The following NEMP1 variants were observed in gnomAD, a reference collection of about 807,000 sequenced individuals.
NEMP1 encodes the protein transmembrane protein 194.
NEMP1 carries 29 observed loss-of-function variants against 53.7 expected under a neutral mutation model. The observed-to-expected ratio is 0.54, with a 90% CI of 0.40 to 0.74. NEMP1 has a LOEUF of 0.74. NEMP1 is among the 30% of genes least tolerant of loss of function. The probability of loss-of-function intolerance (pLI) is 0.00; values close to 1 mark genes in which losing one functional copy is unlikely to be tolerated. For synonymous variants in NEMP1, 193 were observed against 192.9 expected (o/e 1.00, Z 0.00); for missense variants, 477 against 528.6 (o/e 0.90, Z 0.96).
rs1306016312 is a variant in NEMP1 at position 57,070,743 on chromosome 12, T to G, written c.403A>C (p.Ser135Arg). The change falls in exon 3 of 9, where the codon AGC (serine) becomes CGC (arginine). Residue 135 changes from serine (S) to arginine (R), a missense_variant. Coordinates refer to ENST00000300128, the MANE Select transcript of NEMP1 (RefSeq NM_001130963.2). ...NDTYVNVGLY[S>R]TKTCLKVEII... ...TCAACTTTGAGGCAGGTTTTTGTGCTGTATAGACCCACGTTAACATAGGTG... is the reference window on the plus strand; with the variant it reads ...TCAACTTTGAGGCAGGTTTTTGTGCGGTATAGACCCACGTTAACATAGGTG... The G allele has an allele frequency of 6.3e-7, 1 of 1,586,912 alleles. No individual in the cohort carries two copies. Among genetic ancestry groups the G allele is most frequent in the Admixed American group, 1.8e-5 (1 of 56,468 alleles).
At chr12:57,063,415 G>A (rs1435631578) in intron 6 of NEMP1, 71 bp from the exon 7 acceptor site, 5 of 1,301,078 alleles carry the variant, frequency 3.8e-6, no homozygotes, top group Admixed American at 1.9e-5. Flanking sequence ...GTGGGAAGCA[G>A]TAGTTAATTT....
chr12:57,074,209 T>A (rs2032494486), intron 1 of NEMP1, among the ~76,000 whole-genome samples: 1 of 150,494 alleles, frequency 6.6e-6, no homozygotes, highest in Admixed American at 6.6e-5. Flanking sequence ...CCTAAAGCAA[T>A]CCTCCCACAT....
intron 7 of NEMP1, 146 bp downstream of exon 7, chr12:57,062,973 G>C (rs1487969510): frequency 5.6e-6 from 3 of 534,424 alleles, no homozygotes; most frequent in Non-Finnish European, 9.9e-6. Flanking sequence ...AAAAAAAATA[G>C]ACTCGGGAAG....
chr12:57,071,680 G>A (rs1284315828), intron 2 of NEMP1, among the ~76,000 whole-genome samples: 1 of 152,056 alleles, frequency 6.6e-6, no homozygotes, highest in African/African-American at 2.4e-5. Flanking sequence ...CGCCCGGCTT[G>A]TCAGACATTT....
chr12:57,071,729 G>A (rs1364502765), intron 2 of NEMP1, among the ~76,000 whole-genome samples: 1 of 151,836 alleles, frequency 6.6e-6, no homozygotes, highest in Non-Finnish European at 1.5e-5. Context: ...CAAGTTGGCT[G>A]GGCATGGCCC....
intron 7 of NEMP1, among the ~76,000 whole-genome samples, chr12:57,061,927 A>T (rs1214791256): frequency 6.6e-6 from 1 of 152,004 alleles, no homozygotes; most frequent in Non-Finnish European, 1.5e-5. Flanking sequence ...TAAACCCAGG[A>T]GGCAGAGGTT....
chr12:57,066,299 A>C (rs1336734052), intron 4 of NEMP1, among the ~76,000 whole-genome samples: 1 of 152,174 alleles, frequency 6.6e-6, no homozygotes, highest in Non-Finnish European at 1.5e-5. Flanking sequence ...ATCTGGTTTA[A>C]TCTTCTCAAC....
At chr12:57,086,796 T>TAG (rs962798799) in intron 1 of NEMP1, among the ~76,000 whole-genome samples, 1 of 151,854 alleles carries the variant, frequency 6.6e-6, no homozygotes, top group Non-Finnish European at 1.5e-5. Flanking sequence ...TACACAAACC[T>TAG]AGAGAGAGAG....
upstream of NEMP1, among the ~76,000 whole-genome samples, chr12:57,081,699 A>T (rs1265904237): frequency 6.7e-6 from 1 of 149,146 alleles, no homozygotes; most frequent in Non-Finnish European, 1.5e-5. Flanking sequence ...TGAGGTCAGG[A>T]GATGGAGACC....
intron 3 of NEMP1, among the ~76,000 whole-genome samples, chr12:57,069,819 G>A (rs996198680): frequency 1.3e-5 from 2 of 149,968 alleles, no homozygotes; most frequent in African/African-American, 4.9e-5. Flanking sequence ...CTCAGGACCA[G>A]GGGGCCCTAG....
At chr12:57,071,308 T>C (rs374626360) in intron 2 of NEMP1, among the ~76,000 whole-genome samples, 6 of 152,200 alleles carry the variant, frequency 3.9e-5, no homozygotes, top group East Asian at 3.8e-4. Context: ...GTTCAATCCA[T>C]TGTCACAAGC....
At chr12:57,080,614 G>T (rs575861666), upstream of NEMP1, among the ~76,000 whole-genome samples, 1 of 151,388 alleles carries the variant, frequency 6.6e-6, no homozygotes, top group African/African-American at 2.4e-5. Context: ...AATGGGCTGG[G>T]CATGGTGGCT....
intron 1 of NEMP1, among the ~76,000 whole-genome samples, chr12:57,087,482 T>A (rs1427119000): frequency 6.7e-6 from 1 of 149,274 alleles, no homozygotes; most frequent in Non-Finnish European, 1.5e-5. Flanking sequence ...CCGTACGGGG[T>A]CGGGAGCGTC....
Position 57,059,653 on chromosome 12 carries a change from G to C in NEMP1, c.*226C>G, listed in dbSNP as rs1175019924. Reference sequence around the variant, plus strand: ...AAGTGGGCTGTTAGCTTAACCAATGGGAAGTGAACTACCCAGCATTCACTA... The same window carrying C: ...AAGTGGGCTGTTAGCTTAACCAATGCGAAGTGAACTACCCAGCATTCACTA... On this transcript the variant is annotated 3_prime_UTR_variant, in exon 9 of 9. Coordinates refer to ENST00000300128, the MANE Select transcript of NEMP1 (RefSeq NM_001130963.2). 4 of 395,028 alleles carry C rather than the reference G, an allele frequency of 1.0e-5. No homozygotes were observed. The highest frequency in any genetic ancestry group is 4.0e-5 in the African/African-American group (2 of 49,414). The allele number at this position is 395,028 out of a possible 1,614,324, so 24.5% of individuals were successfully genotyped here.
intron 5 of NEMP1, among the ~76,000 whole-genome samples, 172 bp downstream of exon 5, chr12:57,064,474 T>A (rs1395281717): frequency 6.6e-6 from 1 of 152,162 alleles, no homozygotes; most frequent in Non-Finnish European, 1.5e-5. Flanking sequence ...AGAAAGAATT[T>A]GTAATCAGGC....
Position 57,057,711 on chromosome 12 carries a change from A to G in NEMP1, c.*2168T>C, listed in dbSNP as rs189863816. 2 of 152,334 alleles carry G rather than the reference A, an allele frequency of 1.3e-5. No individual in the cohort carries two copies. The highest frequency in any genetic ancestry group is 1.3e-4 in the Admixed American group (2 of 15,304). The allele number at this position is 152,334 out of a possible 1,614,324, so 9.4% of individuals were successfully genotyped here. On this transcript the variant is annotated 3_prime_UTR_variant, in exon 9 of 9. Coordinates refer to ENST00000300128, the MANE Select transcript of NEMP1 (RefSeq NM_001130963.2). ...TCAAGTCTAAACACGGTGGAAAAAAAACTGGTCTAGAGATGGAAACTATAT... is the reference window on the plus strand; with the variant it reads ...TCAAGTCTAAACACGGTGGAAAAAAGACTGGTCTAGAGATGGAAACTATAT...
chr12:57,068,493 G>A (rs754885636), intron 4 of NEMP1, among the ~76,000 whole-genome samples: 20 of 152,078 alleles, frequency 1.3e-4, no homozygotes, highest in Non-Finnish European at 2.6e-4. Context: ...TGGGATCACA[G>A]GCACATACCA....
At chr12:57,065,393 A>C (rs1267429429) in intron 4 of NEMP1, among the ~76,000 whole-genome samples, 2 of 152,254 alleles carry the variant, frequency 1.3e-5, no homozygotes, top group South Asian at 4.1e-4. Context: ...CCTCAATGGC[A>C]TCTTCTTCTA....
chr12:57,067,367 G>C (rs1240985294), intron 4 of NEMP1, among the ~76,000 whole-genome samples: 1 of 151,994 alleles, frequency 6.6e-6, no homozygotes, highest in Non-Finnish European at 1.5e-5. Context: ...GTCTTACATG[G>C]ACATGTGGTG....
Sources: gnomAD v4.1 joint callset for allele counts (sites outside exome capture counted in the v4.1 genomes callset) on GRCh38, gnomAD v4.1.1 for gene constraint, MANE v1.5 for transcripts, NCBI Gene and HGNC (gene_info 2026-07-23, HGNC 2026-07-21) for gene names.